Variants in ARHGAP15 observed in about 807,000 individuals in gnomAD.
ARHGAP15 encodes the protein rho GTPase-activating protein 15.
In ARHGAP15, 51 loss-of-function variants were observed where a neutral mutation model predicts 63.7. The observed-to-expected ratio is 0.80, with a 90% CI of 0.64 to 1.01. The LOEUF is 1.01. Ranked by LOEUF, ARHGAP15 falls within the 50% of genes least tolerant of loss-of-function variation. ARHGAP15 has a pLI of 0.00. For synonymous variants in ARHGAP15, 191 were observed against 193.8 expected, an observed-to-expected ratio of 0.99 and a Z score of 0.12; for missense variants, 560 against 564.6, an observed-to-expected ratio of 0.99 and a Z score of 0.08.
intron 6 of ARHGAP15, among the ~76,000 whole-genome samples, chr2:143,429,212 A>G (rs1279036576): frequency 7.1e-6 from 1 of 140,428 alleles, no homozygotes; most frequent in Non-Finnish European, 1.6e-5. Flanking sequence ...AAAAGAATGA[A>G]CATGAGGGTT....
At chr2:143,712,997 A>C (rs1684649625) in intron 13 of ARHGAP15, among the ~76,000 whole-genome samples, 1 of 152,144 alleles carries the variant, frequency 6.6e-6, no homozygotes, top group Non-Finnish European at 1.5e-5. Flanking sequence ...CTACATAGAT[A>C]CTCAATAATT....
chr2:143,376,088 A>G (rs1558929795), intron 6 of ARHGAP15, among the ~76,000 whole-genome samples: 1 of 152,238 alleles, frequency 6.6e-6, no homozygotes, highest in African/African-American at 2.4e-5. Flanking sequence ...GGTGTTTAGA[A>G]TAATGACTGC....
chr2:143,642,136 A>G (rs562165141), intron 12 of ARHGAP15, among the ~76,000 whole-genome samples: 1 of 152,258 alleles, frequency 6.6e-6, no homozygotes, highest in South Asian at 2.1e-4. Flanking sequence ...AAATATTTAT[A>G]TGTAGAGAAA....
intron 13 of ARHGAP15, among the ~76,000 whole-genome samples, chr2:143,758,176 C>T (rs950956527): frequency 1.3e-5 from 2 of 151,564 alleles, no homozygotes; most frequent in East Asian, 1.9e-4. Context: ...GAAACATGCC[C>T]GTGATATATA....
intron 8 of ARHGAP15, among the ~76,000 whole-genome samples, chr2:143,443,801 G>C (rs992941579): frequency 6.6e-6 from 1 of 152,124 alleles, no homozygotes; most frequent in Non-Finnish European, 1.5e-5. Flanking sequence ...AAGGTCCCAG[G>C]CTTCACTATG....
chr2:143,583,390 G>A (rs930875088), intron 11 of ARHGAP15, among the ~76,000 whole-genome samples: 1 of 152,176 alleles, frequency 6.6e-6, no homozygotes, highest in Non-Finnish European at 1.5e-5. Flanking sequence ...GAGGACAACA[G>A]CAGTTTTATT....
At chr2:143,660,517 GTAAGAA>G (rs1367272718) in intron 12 of ARHGAP15, among the ~76,000 whole-genome samples, 2 of 152,184 alleles carry the variant, frequency 1.3e-5, no homozygotes, top group Non-Finnish European at 2.9e-5. Flanking sequence ...TTTTAAAATC[GTAAGAA>G]TAAGAATGAA....
At chr2:143,637,495 C>T (rs776555391) in intron 12 of ARHGAP15, among the ~76,000 whole-genome samples, 1 of 151,998 alleles carries the variant, frequency 6.6e-6, no homozygotes, top group Non-Finnish European at 1.5e-5. Flanking sequence ...ACTTATGTCA[C>T]CTGAGTCTCA....
chr2:143,413,966 T>TGTGCGCGCGCGCGCGCGCACGC, intron 6 of ARHGAP15, among the ~76,000 whole-genome samples: 4 of 117,924 alleles, frequency 3.4e-5, no homozygotes, highest in African/African-American at 1.4e-4. Flanking sequence ...TGTGTGTGTG[T>TGTGCGCGCGCGCGCGCGCACGC]GCGCGCTCTC....
chr2:143,291,479 A>G (rs996556433), intron 6 of ARHGAP15, among the ~76,000 whole-genome samples: 2 of 147,962 alleles, frequency 1.4e-5, no homozygotes, highest in Admixed American at 6.7e-5. Context: ...GTGTTATGCC[A>G]TAAAAGCAAA....
chr2:143,367,325 ATGT>A (rs956268120), intron 6 of ARHGAP15, among the ~76,000 whole-genome samples: 3 of 151,862 alleles, frequency 2.0e-5, no homozygotes, highest in African/African-American at 4.8e-5. Flanking sequence ...CAGTTGAAAA[ATGT>A]TGTTTTATTT....
rs185230620 is a variant in ARHGAP15, at chr2:143,700,495, A to G, written c.1139-2924A>G. ...TGGAGACTCTGGCATTAACCTGATT[A>G]TTACTTTAGTCAGAGACTTCAGTGA... On this transcript the variant is annotated intron_variant, in intron 12 of 13. Transcript: ENST00000295095. 4.1e-3 allele frequency among the ~76,000 whole-genome samples: 625 copies of G among 152,236 alleles called. 1 individual carries two copies. The highest frequency in any genetic ancestry group is 0.014 in the African/African-American group (583 of 41,538).
At chr2:143,290,672 T>G (rs940598298) in intron 6 of ARHGAP15, among the ~76,000 whole-genome samples, 4 of 152,138 alleles carry the variant, frequency 2.6e-5, no homozygotes, top group Non-Finnish European at 5.9e-5. Flanking sequence ...ACCGTTTTTT[T>G]GACATACTCA....
chr2:143,377,537 T>A (rs1686871307), intron 6 of ARHGAP15, among the ~76,000 whole-genome samples: 1 of 151,998 alleles, frequency 6.6e-6, no homozygotes, highest in Non-Finnish European at 1.5e-5. Context: ...TAAATTGGGA[T>A]CTGAAGCTAG....
chr2:143,582,011 G>A (rs923410848), intron 11 of ARHGAP15, among the ~76,000 whole-genome samples: 1 of 152,190 alleles, frequency 6.6e-6, no homozygotes, highest in African/African-American at 2.4e-5. Flanking sequence ...TGTCTATGAT[G>A]TGAAGAGTGT....
At chr2:143,246,774 A>C (rs1405600972) in intron 5 of ARHGAP15, among the ~76,000 whole-genome samples, 1 of 152,124 alleles carries the variant, frequency 6.6e-6, no homozygotes, top group Non-Finnish European at 1.5e-5. Flanking sequence ...CACAAAGGTC[A>C]ATGATTTTAA....
chr2:143,343,217 A>G (rs1280154138), intron 6 of ARHGAP15, among the ~76,000 whole-genome samples: 1 of 152,034 alleles, frequency 6.6e-6, no homozygotes, highest in Non-Finnish European at 1.5e-5. Flanking sequence ...TTTCATGGAT[A>G]AGTAGGAGCT....
At chr2:143,529,929 T>C (rs1046184171) in intron 10 of ARHGAP15, among the ~76,000 whole-genome samples, 5 of 152,122 alleles carry the variant, frequency 3.3e-5, no homozygotes, top group African/African-American at 9.7e-5. Flanking sequence ...GTGTGAGTCC[T>C]TGAGTCTAGG....
chr2:143,561,876 A>G (rs1350251272), intron 11 of ARHGAP15, among the ~76,000 whole-genome samples: 4 of 152,210 alleles, frequency 2.6e-5, no homozygotes, highest in African/African-American at 9.6e-5. Flanking sequence ...TGTGCAAACA[A>G]GGAGGAACAA....
Sources: allele counts gnomAD v4.1 joint callset (sites outside exome capture counted in the v4.1 genomes callset), GRCh38; gene constraint gnomAD v4.1.1; transcripts MANE v1.5; gene names NCBI Gene and HGNC (gene_info 2026-07-23, HGNC 2026-07-21).